Variants in LZTR1 observed in about 807,000 individuals in gnomAD.
LZTR1 encodes the protein leucine zipper like post translational regulator 1.
In LZTR1, 260 loss-of-function variants were observed where a neutral mutation model predicts 105.7. That is an observed-to-expected ratio of 2.46 (90% CI 2.22 to 2.72). LZTR1 has a LOEUF of 2.72. Among genes scored for constraint, LZTR1 ranks in the 30% most tolerant of loss-of-function variants. The pLI, the probability that LZTR1 is intolerant of heterozygous loss-of-function variation, is 0.00. For missense variants in LZTR1, 1,214 were observed against 1,166.9 expected (o/e 1.04, Z -0.59); for synonymous variants, 490 against 476.4 (o/e 1.03, Z -0.37).
intron 14 of LZTR1, 47 bp downstream of exon 14, chr22:20,994,316 G>A (rs373581845): frequency 1.7e-5 from 26 of 1,572,332 alleles, no homozygotes; most frequent in East Asian, 6.8e-5. Context: ...GCTGGGGTGC[G>A]GGCAGCAGAG....
chr22:20,992,294 CA>C lies in LZTR1; in HGVS notation c.1076del (p.Lys359ArgfsTer102). On this transcript the variant is annotated frameshift_variant, in exon 10 of 21. Transcript: ENST00000646124. LOFTEE classifies it high-confidence loss of function. ...TGACCTATGAGGAGCGGGTTGGCTT[CA>C]AGAAGTCCCGAGATGTGTTTGGCCT... is the stretch of plus-strand genomic sequence containing the variant. The part of the protein sequence containing the change: ...TLTYEERVGF[K>X]KSRDVFGLDF... 1 of 1,614,000 alleles carries C rather than the reference CA, an allele frequency of 6.2e-7. No individual in the cohort carries two copies. The highest frequency in any genetic ancestry group is 1.1e-5 in the South Asian group (1 of 91,078).
intron 16 of LZTR1, 104 bp downstream of exon 16, chr22:20,995,130 G>A: frequency 1.5e-6 from 2 of 1,350,292 alleles, no homozygotes; most frequent in East Asian, 2.3e-5. Flanking sequence ...CTCGGGGTGG[G>A]GGTGGGTGCC....
chr22:20,988,053 TA>T lies in LZTR1; in HGVS notation c.449del (p.Asn150ThrfsTer50), dbSNP rs1221957730. On this transcript the variant is annotated frameshift_variant, in exon 5 of 21. Coordinates refer to ENST00000646124, the MANE Select transcript of LZTR1 (RefSeq NM_006767.4). LOFTEE classifies it high-confidence loss of function. ...DIYSNSNLKN[K>X]NDLFEYKFAT... Reference sequence around the variant, plus strand: ...TTTATTCCAATTCTAACTTGAAGAATAAAAACGACCTCTTTGAATACAAGTT... The same window carrying T: ...TTTATTCCAATTCTAACTTGAAGAATAAAACGACCTCTTTGAATACAAGTT... 1.9e-6 allele frequency: 3 copies of T among 1,613,190 alleles called. No individual in the cohort carries two copies. The highest frequency in any genetic ancestry group is 1.1e-5 in the South Asian group (1 of 91,064).
chr22:20,994,086 G>A lies in LZTR1; in HGVS notation c.1450-18G>A, dbSNP rs1924712585. On this transcript the variant is annotated intron_variant, in intron 13 of 20. Transcript: ENST00000646124. ...CTGGTGTCCACTGGGGTGTCCTTGA[G>A]CTCCCTTCTCCCCACAGAAGCTGGA... The A allele has an allele frequency of 3.2e-6, 5 of 1,577,288 alleles. No individual in the cohort carries two copies.
intron 2 of LZTR1, 74 bp from the exon 3 acceptor site, chr22:20,985,767 A>G (rs577262762): frequency 7.2e-7 from 1 of 1,393,788 alleles, no homozygotes; most frequent in East Asian, 2.3e-5. Flanking sequence ...CCCTGGCTAC[A>G]TGCAGTGCCC....
At position 20,994,631 on chromosome 22, in the gene LZTR1, G is replaced by T; in HGVS notation, c.1689G>T (p.Glu563Asp). ...TGAGCTTCCAGTTGTGCCGCCTGGAGCAGCTGTGCCGCCAGTACATCGAGG... is the reference window on the plus strand; with the variant it reads ...TGAGCTTCCAGTTGTGCCGCCTGGATCAGCTGTGCCGCCAGTACATCGAGG... ...LALSFQLCRL[E>D]QLCRQYIEAS... The change falls in exon 15 of 21, where the codon GAG becomes GAT. Residue 563 changes from glutamate to aspartate, a missense_variant. Physicochemically the swap from Glu to Asp is conservative, Grantham distance 45 (BLOSUM62 2). Transcript: ENST00000646124. The T allele has an allele frequency of 1.2e-6, 2 of 1,612,734 alleles. No individual in the cohort carries two copies. The highest frequency in any genetic ancestry group is 1.7e-6 in the Non-Finnish European group (2 of 1,179,834).
In LZTR1 at chr22:20,998,126, A is replaced by C. The variant is rs1487976291; in HGVS notation, c.*778A>C. ...CACAGCAGTGCTACCCACCACACAC[A>C]CCTTGCTGGCCCGGCCACCACTGCT... On this transcript the variant is annotated 3_prime_UTR_variant, in exon 21 of 21. Coordinates refer to ENST00000646124, the MANE Select transcript of LZTR1 (RefSeq NM_006767.4). 6.6e-6 allele frequency: 1 copy of C among 152,204 alleles called. No homozygotes were observed. Among genetic ancestry groups the C allele is most frequent in the Non-Finnish European group, 1.5e-5 (1 of 68,172 alleles). 9.4% of individuals were successfully genotyped at this position (152,204 alleles called of 1,614,324 possible).
In LZTR1 at chr22:20,997,552, G is replaced by A. The variant is rs1353196490; in HGVS notation, c.*204G>A. On this transcript the variant is annotated 3_prime_UTR_variant, in exon 21 of 21. Coordinates refer to ENST00000646124, the MANE Select transcript of LZTR1 (RefSeq NM_006767.4). ...ACTGAAGACACAGGTCCCACAGGGA[G>A]CGGATGATGAAGCAGACCCCCTCCT... The A allele has an allele frequency of 3.7e-6, 2 of 543,528 alleles. No homozygotes were observed. Among genetic ancestry groups the A allele is most frequent in the Non-Finnish European group, 6.6e-6 (2 of 300,760 alleles). 33.7% of individuals were successfully genotyped at this position (543,528 alleles called of 1,614,324 possible).
Position 20,997,384 on chromosome 22 carries a change from G to GTGCC in LZTR1, c.*45_*48dup. On this transcript the variant is annotated 3_prime_UTR_variant, in exon 21 of 21. Transcript: ENST00000646124. ...CGCCTGCCCATTGTGAAGAATCGCCGTGCCTGCCTGCCCTGCCTACTGAGA... is the reference window on the plus strand; with the variant it reads ...CGCCTGCCCATTGTGAAGAATCGCCGTGCCTGCCTGCCTGCCCTGCCTACTGAGA... 6.8e-7 allele frequency: 1 copy of GTGCC among 1,460,640 alleles called. No homozygotes were observed. Among genetic ancestry groups the GTGCC allele is most frequent in the South Asian group, 1.1e-5 (1 of 88,034 alleles). The allele number at this position is 1,460,640 out of a possible 1,614,324, so 90.5% of individuals were successfully genotyped here.
chr22:20,993,893 G>T, intron 12 of LZTR1, 31 bp from the exon 13 acceptor site: 1 of 1,600,882 alleles, frequency 6.2e-7, no homozygotes. Flanking sequence ...AGGGTCCTGT[G>T]CCCTCTGCCA....
chr22:20,994,999 A>G lies in LZTR1; in HGVS notation c.1915A>G (p.Thr639Ala). 3 of 1,611,868 alleles carry G rather than the reference A, an allele frequency of 1.9e-6. No individual in the cohort carries two copies. The highest frequency in any genetic ancestry group is 2.5e-6 in the Non-Finnish European group (3 of 1,179,644). The part of the protein sequence containing the change: ...VRRKQQPPPR[T>A]PLDQPVDIGT... ...GCGGAAGCAGCAGCCGCCCCCTCGC[A>G]CTCCCTTGGACCAGCCAGTGGACAT... Residue 639 changes from threonine to alanine, a missense_variant, in exon 16 of 21, where the codon ACT (threonine) becomes GCT (alanine). Thr to Ala is a moderately conservative substitution (Grantham distance 58). Coordinates refer to ENST00000646124, the MANE Select transcript of LZTR1 (RefSeq NM_006767.4).
rs191575028 is a variant in LZTR1 at position 20,993,124 on chromosome 22, C to T, written c.1260+220C>T. Among the ~76,000 whole-genome samples the T allele has an allele frequency of 8.9e-4, 135 of 152,326 alleles. No homozygotes were observed. The Middle Eastern group carries it at 0.01, about 12-fold the overall frequency. The stretch of plus-strand genomic sequence containing the variant: ...GGGGCAGGCAGATGGTGCTGGGGCT[C>T]ACGGCAGAGTCAGTGGAGGGAGCCG... On this transcript the variant is annotated intron_variant, in intron 11 of 20. Transcript: ENST00000646124.
At position 20,994,873 on chromosome 22, in the gene LZTR1, C is replaced by T; in HGVS notation, c.1789C>T (p.His597Tyr). 1 of 1,613,184 alleles carries T rather than the reference C, an allele frequency of 6.2e-7. No homozygotes were observed. Among genetic ancestry groups the T allele is most frequent in the East Asian group, 2.2e-5 (1 of 44,874 alleles). The change falls in exon 16 of 21, where the codon CAC becomes TAC. Residue 597 changes from histidine to tyrosine, a missense_variant. Transcript: ENST00000646124. Reference sequence around the variant, plus strand: ...TGCCTGTGCCTGTCTGCCCCAGGAGCACTGCCTGAACTTCGTGGTAAAGGA... The same window carrying T: ...TGCCTGTGCCTGTCTGCCCCAGGAGTACTGCCTGAACTTCGTGGTAAAGGA... ...ARLQLSQLKE[H>Y]CLNFVVKESH...
At chr22:20,982,649 C>T (rs1924238687) in intron 1 of LZTR1, 78 bp downstream of exon 1, 2 of 1,418,368 alleles carry the variant, frequency 1.4e-6, no homozygotes, top group Non-Finnish European at 2.0e-6. Context: ...GGGGCGAAGC[C>T]GGGGGGTGGT....
rs779080464 is a variant in LZTR1 at position 20,994,146 on chromosome 22, G to A, written c.1492G>A (p.Gly498Ser). The change falls in exon 14 of 21, where the codon GGC becomes AGC. Residue 498 changes from glycine to serine, a missense_variant. Transcript: ENST00000646124. ...EAAPVPREAP[G>S]VAAGGARPPL... ...CGCCCCAGTTCCCAGGGAGGCCCCC[G>A]GCGTGGCTGCTGGTGGGGCCCGGCC... The A allele has an allele frequency of 1.2e-5, 19 of 1,593,820 alleles. No individual in the cohort carries two copies. Among genetic ancestry groups the A allele is most frequent in the East Asian group, 4.5e-5 (2 of 44,004 alleles).
chr22:20,988,011 G>T lies in LZTR1; in HGVS notation c.402G>T (p.Gly134=). The change falls in exon 5 of 21, where the codon GGG becomes GGT. Residue 134 remains glycine (G), a splice_region_variant and synonymous_variant. Transcript: ENST00000646124. ...VVYGSSMFVF[G]GYTGDIYSNS... ...CAGTTTCTCACTCTCTTTACTCAGG[G>T]GGTTACACTGGGGACATTTATTCCA... The T allele has an allele frequency of 6.3e-7, 1 of 1,578,124 alleles. No individual in the cohort carries two copies. Among genetic ancestry groups the T allele is most frequent in the South Asian group, 1.1e-5 (1 of 90,178 alleles).
intron 9 of LZTR1, 124 bp from the exon 10 acceptor site, chr22:20,992,090 G>GC: frequency 1.0e-6 from 1 of 983,018 alleles, no homozygotes. Flanking sequence ...TTCCTGGGAA[G>GC]CCCACGGCCA....
chr22:20,982,699 T>G, intron 1 of LZTR1, 128 bp downstream of exon 1: 1 of 906,266 alleles, frequency 1.1e-6, no homozygotes, highest in Non-Finnish European at 1.7e-6. Context: ...GATGGTGCTG[T>G]ACAGGACGCT....
Position 20,996,800 on chromosome 22 carries a change from A to T in LZTR1, c.2324A>T (p.Gln775Leu). 1 of 1,613,602 alleles carries T rather than the reference A, an allele frequency of 6.2e-7. No individual in the cohort carries two copies. The highest frequency in any genetic ancestry group is 8.5e-7 in the Non-Finnish European group (1 of 1,179,940). Residue 775 changes from glutamine (Q) to leucine (L), a missense_variant and splice_region_variant, in exon 19 of 21, where the codon CAG (glutamine) becomes CTG (leucine). Gln to Leu is a moderately radical substitution (Grantham distance 113). Transcript: ENST00000646124. ...EMNVTVQNVL[Q>L]ILEAADKTQA... ...AACGTGACGGTGCAGAACGTGCTGC[A>T]GGTAGCCCCCCAGCCCCGTGCACAT...
Sources: gnomAD v4.1 joint callset for allele counts (sites outside exome capture counted in the v4.1 genomes callset) on GRCh38, gnomAD v4.1.1 for gene constraint, MANE v1.5 for transcripts, NCBI Gene and HGNC (gene_info 2026-07-23, HGNC 2026-07-21) for gene names.